The following RAMACL variants were observed in gnomAD, a reference collection of about 807,000 sequenced individuals.
The protein encoded by RAMACL is RNA guanine-N7 methyltransferase-activating subunit-like protein.
Under a neutral mutation model 13.4 loss-of-function variants are expected in RAMACL, and 9 were observed. The observed-to-expected ratio is 0.67, with a 90% CI of 0.41 to 1.17. The LOEUF is 1.17. RAMACL is among the 50% of genes most tolerant of loss of function. The probability of loss-of-function intolerance (pLI) is 0.01; values close to 1 mark genes in which losing one functional copy is unlikely to be tolerated. For missense variants in RAMACL, 124 were observed against 141.6 expected (o/e 0.88, Z 0.63); for synonymous variants, 39 against 49.3 (o/e 0.79, Z 0.88).
At chr6:166,583,928 C>T (rs551023061), downstream of RAMACL, among the ~76,000 whole-genome samples, 7 of 152,354 alleles carry the variant, frequency 4.6e-5, no homozygotes, top group African/African-American at 1.7e-4. Context: ...AATTTCATCA[C>T]CTTACCCCAT....
At chr6:166,585,630 CAA>C (rs757455295) in exon 1 of RAMACL, among the ~76,000 whole-genome samples, 12 of 31,974 alleles carry the variant, frequency 3.8e-4, no homozygotes, top group Admixed American at 7.8e-4. Flanking sequence ...TTAACAAATG[CAA>C]AAAAAAAAAA....
At chr6:166,584,669 T>A (rs543220996), downstream of RAMACL, among the ~76,000 whole-genome samples, 40 of 152,366 alleles carry the variant, frequency 2.6e-4, no homozygotes, top group Non-Finnish European at 5.0e-4. Context: ...GTGATTGTGA[T>A]CTTTTGCACT....
chr6:166,586,580 C>T lies in RAMACL; in HGVS notation c.-103G>A, dbSNP rs1431090246. The T allele has an allele frequency of 4.7e-5, 52 of 1,104,730 alleles. No individual in the cohort carries two copies. The South Asian group carries it at 5.9e-4, about 13-fold the overall frequency. 68.4% of individuals were successfully genotyped at this position (1,104,730 alleles called of 1,614,324 possible). Reference sequence around the variant, plus strand: ...TCCAGCTCAGGCCGAACCCCGCCGGCGAGACACTGAGAAGCCCAGGAGAGG... The same window carrying T: ...TCCAGCTCAGGCCGAACCCCGCCGGTGAGACACTGAGAAGCCCAGGAGAGG... On this transcript the variant is annotated 5_prime_UTR_variant, in exon 1 of 1. Transcript: ENST00000444122.
exon 1 of RAMACL, chr6:166,586,328 G>A: frequency 6.3e-7 from 1 of 1,599,278 alleles, no homozygotes; most frequent in South Asian, 1.1e-5. Flanking sequence ...TGTTTCTTTG[G>A]TTCCCACCAG....
chr6:166,586,185 G>A (rs1785163997), exon 1 of RAMACL: 1 of 1,580,264 alleles, frequency 6.3e-7, no homozygotes, highest in Admixed American at 1.7e-5. Context: ...GGGATAGTAA[G>A]GTTCTTGTCT....
At chr6:166,583,235 C>T (rs1276984487), downstream of RAMACL, among the ~76,000 whole-genome samples, 3 of 152,188 alleles carry the variant, frequency 2.0e-5, no homozygotes, top group African/African-American at 4.8e-5. Flanking sequence ...GTTTAGAAAG[C>T]ACACTGCCTC....
downstream of RAMACL, among the ~76,000 whole-genome samples, chr6:166,584,243 G>A (rs1013418721): frequency 1.3e-5 from 2 of 152,214 alleles, no homozygotes; most frequent in African/African-American, 2.4e-5. Context: ...GCGCCCTTTC[G>A]TGGTGGAGCA....
chr6:166,586,663 C>T (rs900925879), exon 1 of RAMACL, among the ~76,000 whole-genome samples: 2 of 124,524 alleles, frequency 1.6e-5, no homozygotes, highest in East Asian at 1.9e-4. Context: ...CCAATGTAAC[C>T]GAGCGCCTTC....
At chr6:166,583,608 C>T (rs891197634), downstream of RAMACL, among the ~76,000 whole-genome samples, 2 of 152,188 alleles carry the variant, frequency 1.3e-5, no homozygotes, top group African/African-American at 4.8e-5. Context: ...AATGTCTTCA[C>T]GTGACAGTTT....
exon 1 of RAMACL, chr6:166,586,178 A>G: frequency 7.6e-6 from 12 of 1,573,768 alleles, no homozygotes; most frequent in Non-Finnish European, 1.0e-5. Flanking sequence ...ATTGCTGGGG[A>G]TAGTAAGGTT....
downstream of RAMACL, among the ~76,000 whole-genome samples, chr6:166,583,361 C>T (rs549156264): frequency 2.2e-4 from 33 of 152,282 alleles, no homozygotes; most frequent in Non-Finnish European, 3.2e-4. Flanking sequence ...CTGTGATCTG[C>T]GGAAACGGCT....
exon 1 of RAMACL, chr6:166,586,143 C>T (rs1033429630): frequency 4.4e-5 from 67 of 1,529,442 alleles, no homozygotes; most frequent in South Asian, 2.3e-4. Context: ...GTAAGGAGGC[C>T]GCTGGTTGTA....
At chr6:166,586,543 G>A (rs1172361519) in exon 1 of RAMACL, 1 of 1,481,554 alleles carries the variant, frequency 6.7e-7, no homozygotes, top group East Asian at 2.3e-5. Context: ...AATCCGCCAA[G>A]GGCTATGTCT....
chr6:166,585,830 A>C (rs1785153974), exon 1 of RAMACL, among the ~76,000 whole-genome samples: 1 of 34,840 alleles, frequency 2.9e-5, no homozygotes, highest in South Asian at 7.7e-4. Flanking sequence ...TTTCTGTGTA[A>C]AACAAAGAAT....
downstream of RAMACL, among the ~76,000 whole-genome samples, chr6:166,585,602 A>G (rs1319261786): frequency 1.0e-5 from 1 of 98,446 alleles, no homozygotes; most frequent in Admixed American, 9.8e-5. Context: ...TTAAGGAATC[A>G]CAAAGTACCA....
downstream of RAMACL, among the ~76,000 whole-genome samples, chr6:166,583,552 T>TC (rs1785083412): frequency 1.3e-5 from 2 of 152,180 alleles, no homozygotes; most frequent in Admixed American, 1.3e-4. Context: ...ACACCAGGGT[T>TC]CCCCACCCAC....
chr6:166,583,671 G>A (rs7743191), downstream of RAMACL, among the ~76,000 whole-genome samples: 13,908 of 152,178 alleles, frequency 0.091, 1,922 homozygotes, highest in African/African-American at 0.3. Context: ...TTATTAAAGC[G>A]CCAATGGCCA....
At chr6:166,583,817 G>A (rs985001647), downstream of RAMACL, among the ~76,000 whole-genome samples, 1 of 152,170 alleles carries the variant, frequency 6.6e-6, no homozygotes, top group Non-Finnish European at 1.5e-5. Flanking sequence ...CAAACTGGCT[G>A]GTTCTCACGT....
downstream of RAMACL, among the ~76,000 whole-genome samples, chr6:166,583,153 A>C (rs1388257845): frequency 6.6e-6 from 1 of 152,246 alleles, no homozygotes; most frequent in Non-Finnish European, 1.5e-5. Context: ...TCAAGGTATC[A>C]TATTACACAT....
Sources: allele counts gnomAD v4.1 joint callset (sites outside exome capture counted in the v4.1 genomes callset), GRCh38; gene constraint gnomAD v4.1.1; transcripts MANE v1.5; gene names NCBI Gene and HGNC (gene_info 2026-07-23, HGNC 2026-07-21).